Variants in MYL2 observed in about 807,000 individuals in gnomAD.
MYL2 encodes the protein myosin light chain 2, also known as myosin regulatory light chain 2, ventricular/cardiac muscle isoform.
MYL2 carries 19 observed loss-of-function variants against 23.0 expected under a neutral mutation model. The ratio of observed to expected loss-of-function variants is 0.83; its 90% CI spans 0.58 to 1.21. MYL2 has a LOEUF of 1.21. Ranked by LOEUF, MYL2 falls within the 50% of genes most tolerant of loss-of-function variation. MYL2 has a pLI of 0.00. For missense variants in MYL2, 180 were observed against 215.1 expected (o/e 0.84, Z 1.02); for synonymous variants, 78 against 76.2 (o/e 1.02, Z -0.13).
intron 6 of MYL2, among the ~76,000 whole-genome samples, chr12:110,912,013 G>A (rs2071655939): frequency 6.6e-6 from 1 of 152,182 alleles, no homozygotes; most frequent in Non-Finnish European, 1.5e-5. Context: ...AGGAAATTGA[G>A]GTGCAGTGAG....
In MYL2 at chr12:110,913,158, A is replaced by G; in HGVS notation, c.354-14T>C. The stretch of plus-strand genomic sequence containing the variant: ...ATTTCCCGAACGCTGCAGAGAAAGG[A>G]AAGCAGGTGTTGGTGTCAGTTGTGT... On this transcript the variant is annotated splice_polypyrimidine_tract_variant and intron_variant, in intron 5 of 6. Coordinates refer to ENST00000228841, the MANE Select transcript of MYL2 (RefSeq NM_000432.4). 6.2e-7 allele frequency: 1 copy of G among 1,614,222 alleles called. No individual in the cohort carries two copies. The highest frequency in any genetic ancestry group is 8.5e-7 in the Non-Finnish European group (1 of 1,180,038).
intron 6 of MYL2, among the ~76,000 whole-genome samples, chr12:110,912,284 G>A (rs567041119): frequency 1.3e-5 from 2 of 151,296 alleles, no homozygotes; most frequent in South Asian, 2.1e-4. Context: ...ACTCACTACC[G>A]CACCACCTGA....
At chr12:110,921,079 G>C (rs1471984735), upstream of MYL2, among the ~76,000 whole-genome samples, 2 of 152,170 alleles carry the variant, frequency 1.3e-5, no homozygotes, top group African/African-American at 4.8e-5. Flanking sequence ...AACCATGAAG[G>C]CTGGCACTGT....
upstream of MYL2, among the ~76,000 whole-genome samples, chr12:110,921,094 C>T (rs1286086968): frequency 6.6e-6 from 1 of 152,240 alleles, no homozygotes; most frequent in Non-Finnish European, 1.5e-5. Context: ...CACTGTGGCT[C>T]ATGCCTGAAA....
At chr12:110,913,184 G>A in intron 5 of MYL2, 40 bp from the exon 6 acceptor site, 2 of 1,613,074 alleles carry the variant, frequency 1.2e-6, no homozygotes, top group Non-Finnish European at 8.5e-7. Context: ...TCAGTTGTGT[G>A]TGTGTAGGGG....
intron 4 of MYL2, among the ~76,000 whole-genome samples, chr12:110,913,781 C>G (rs2071669976): frequency 6.6e-6 from 1 of 152,174 alleles, no homozygotes; most frequent in South Asian, 2.1e-4. Flanking sequence ...GAGACAGAGT[C>G]TCACCTTGTT....
intron 4 of MYL2, 55 bp from the exon 5 acceptor site, chr12:110,913,379 C>T: frequency 1.3e-6 from 2 of 1,594,696 alleles, no homozygotes; most frequent in East Asian, 4.5e-5. Flanking sequence ...ACCACTGGCA[C>T]CCCAGGCAGC....
rs780439833 is a variant in MYL2 at position 110,913,263 on chromosome 12, C to A, written c.336G>T (p.Gly112=). The change falls in exon 5 of 7, where the codon GGG becomes GGT. Residue 112 remains glycine (G), a synonymous_variant. Transcript: ENST00000228841. ...CCACTCACTAATCAGCCTTCAGCACCCCTTTGCCTTCAGGGTCAAACACTT... is the reference window on the plus strand; with the variant it reads ...CCACTCACTAATCAGCCTTCAGCACACCTTTGCCTTCAGGGTCAAACACTT... ...AFKVFDPEGK[G]VLKADYVREM... The A allele has an allele frequency of 6.2e-7, 1 of 1,614,224 alleles. No individual in the cohort carries two copies. Among genetic ancestry groups the A allele is most frequent in the South Asian group, 1.1e-5 (1 of 91,082 alleles).
Position 110,918,539 on chromosome 12 carries a change from T to G in MYL2, c.93+565A>C, listed in dbSNP as rs915730627. 6.6e-6 allele frequency among the ~76,000 whole-genome samples: 1 copy of G among 152,170 alleles called. No homozygotes were observed. Among genetic ancestry groups the G allele is most frequent in the Non-Finnish European group, 1.5e-5 (1 of 68,036 alleles). On this transcript the variant is annotated intron_variant, in intron 2 of 6. Transcript: ENST00000228841. This position sits in a 1 kb window ranked among gnomAD's most constrained non-coding sequence, Gnocchi z 4.4. ...TTGTTGTTGTTGTTTTAAGTTCCTT[T>G]GACCCAGCAGTTCTGCTTTTAGGAA...
intron 3 of MYL2, among the ~76,000 whole-genome samples, chr12:110,915,077 T>A (rs2071680149): frequency 6.6e-6 from 1 of 152,228 alleles, no homozygotes; most frequent in Non-Finnish European, 1.5e-5. Context: ...TGTCATTTTT[T>A]AAGCCAATGT....
intron 1 of MYL2, 67 bp from the exon 2 acceptor site, chr12:110,919,260 A>G: frequency 7.4e-7 from 1 of 1,348,364 alleles, no homozygotes; most frequent in Non-Finnish European, 1.0e-6. Flanking sequence ...TCAGGCCCCT[A>G]CTCTGGGTGT....
At position 110,914,175 on chromosome 12, in the gene MYL2, C is replaced by A. The variant is rs1196075212; in HGVS notation, c.274+11G>T. 1.2e-6 allele frequency: 2 copies of A among 1,600,332 alleles called. No homozygotes were observed. Among genetic ancestry groups the A allele is most frequent in the Non-Finnish European group, 1.7e-6 (2 of 1,167,636 alleles). On this transcript the variant is annotated intron_variant, in intron 4 of 6. Transcript: ENST00000228841. Reference sequence around the variant, plus strand: ...ATACACACAGACACACACACACACACACGACCTTACCCTTAAGTTTCTCCC... The same window carrying A: ...ATACACACAGACACACACACACACAAACGACCTTACCCTTAAGTTTCTCCC...
chr12:110,913,474 T>C, intron 4 of MYL2, 150 bp from the exon 5 acceptor site: 1 of 775,438 alleles, frequency 1.3e-6, no homozygotes, highest in South Asian at 1.5e-5. Flanking sequence ...GTCTGATCAC[T>C]GAGCCTCTGT....
In MYL2 at chr12:110,915,749, G is replaced by C; in HGVS notation, c.135C>G (p.Asp45Glu). The C allele has an allele frequency of 6.2e-7, 1 of 1,614,166 alleles. No individual in the cohort carries two copies. Among genetic ancestry groups the C allele is most frequent in the South Asian group, 1.1e-5 (1 of 91,076 alleles). ...CAAAGGTGTCTCTCAGATCGTTCTTGTCAATGAAGCCATCCCTGTTCTGGT... is the reference window on the plus strand; with the variant it reads ...CAAAGGTGTCTCTCAGATCGTTCTTCTCAATGAAGCCATCCCTGTTCTGGT... ...IMDQNRDGFI[D>E]KNDLRDTFAA... Residue 45 changes from aspartate to glutamate, a missense_variant, in exon 3 of 7, where the codon GAC becomes GAG. By Grantham distance (45) the Asp-to-Glu change is conservative. Coordinates refer to ENST00000228841, the MANE Select transcript of MYL2 (RefSeq NM_000432.4).
chr12:110,917,333 G>A (rs865963769), intron 2 of MYL2, among the ~76,000 whole-genome samples: 3 of 152,092 alleles, frequency 2.0e-5, no homozygotes, highest in Middle Eastern at 6.8e-3. Context: ...AGTGGCTCAC[G>A]CCTGTAATCC....
chr12:110,910,865 G>A lies in MYL2; in HGVS notation c.*212C>T. ...CCAAATACACGACCTCCTGTTTATTGGAACATGGCCTCTGGATGGATTTCC... is the reference window on the plus strand; with the variant it reads ...CCAAATACACGACCTCCTGTTTATTAGAACATGGCCTCTGGATGGATTTCC... On this transcript the variant is annotated 3_prime_UTR_variant, in exon 7 of 7. Transcript: ENST00000228841. The A allele has an allele frequency of 1.7e-6, 1 of 600,796 alleles. No homozygotes were observed. The highest frequency in any genetic ancestry group is 3.0e-6 in the Non-Finnish European group (1 of 333,574). The allele number at this position is 600,796 out of a possible 1,614,324, so 37.2% of individuals were successfully genotyped here.
chr12:110,917,106 A>G (rs1226468446), intron 2 of MYL2, among the ~76,000 whole-genome samples: 1 of 151,768 alleles, frequency 6.6e-6, no homozygotes, highest in Non-Finnish European at 1.5e-5. Flanking sequence ...TTAGCCTCCC[A>G]AAGTGCTGTG....
intron 6 of MYL2, among the ~76,000 whole-genome samples, chr12:110,911,722 G>A (rs780582131): frequency 1.7e-4 from 26 of 152,174 alleles, no homozygotes; most frequent in Non-Finnish European, 3.4e-4. Flanking sequence ...AGCAGGATAG[G>A]TCCTATGGCT....
At position 110,920,260 on chromosome 12, in the gene MYL2, G is replaced by T. The variant is rs374752212; in HGVS notation, c.3+267C>A. Among the ~76,000 whole-genome samples the T allele has an allele frequency of 5.9e-5, 9 of 152,306 alleles. 1 individual carries two copies. The South Asian group carries it at 1.9e-3, about 32-fold the overall frequency. On this transcript the variant is annotated intron_variant, in intron 1 of 6. Coordinates refer to ENST00000228841, the MANE Select transcript of MYL2 (RefSeq NM_000432.4). ...CATTTTGCAAGTCCTGGGAGTTATT[G>T]ATTCCTCGAGAGGTCAGTAGACAAG...
Sources: allele counts gnomAD v4.1 joint callset (sites outside exome capture counted in the v4.1 genomes callset), GRCh38; gene constraint gnomAD v4.1.1; non-coding constraint Gnocchi (gnomAD v3.1); transcripts MANE v1.5; gene names NCBI Gene and HGNC (gene_info 2026-07-23, HGNC 2026-07-21).